Variants in ZFAND3 observed in about 807,000 individuals in gnomAD.
ZFAND3 encodes the protein zinc finger AN1-type containing 3, also known as AN1-type zinc finger protein 3.
A neutral mutation model predicts 29.6 loss-of-function variants in ZFAND3; 10 were observed. The observed-to-expected ratio is 0.34, with a 90% CI of 0.21 to 0.57. ZFAND3 has a LOEUF of 0.57. Among genes scored for constraint, ZFAND3 ranks in the 20% least tolerant of loss-of-function variants. ZFAND3 has a pLI of 0.86. For missense variants in ZFAND3, 230 were observed against 304.5 expected, an observed-to-expected ratio of 0.76 and a Z score of 1.82; for synonymous variants, 128 against 112.6, an observed-to-expected ratio of 1.14 and a Z score of -0.87.
intron 1 of ZFAND3, among the ~76,000 whole-genome samples, chr6:37,887,372 T>A (rs1325035459): frequency 6.6e-6 from 1 of 152,220 alleles, no homozygotes; most frequent in African/African-American, 2.4e-5. Context: ...AAATCATGAG[T>A]ACTTTGTACC....
intron 2 of ZFAND3, among the ~76,000 whole-genome samples, chr6:37,993,816 G>C (rs1762802543): frequency 6.6e-6 from 1 of 151,810 alleles, no homozygotes; most frequent in Admixed American, 6.6e-5. Context: ...ACGTGATAAT[G>C]ATTGGCTTAA....
intron 1 of ZFAND3, among the ~76,000 whole-genome samples, chr6:37,855,076 C>A (rs1764356098): frequency 7.3e-6 from 1 of 137,678 alleles, no homozygotes; most frequent in South Asian, 2.4e-4. Context: ...CCTCTGATAT[C>A]AACAAATCTT....
At chr6:37,910,321 C>T (rs1188580541) in intron 1 of ZFAND3, among the ~76,000 whole-genome samples, 1 of 151,284 alleles carries the variant, frequency 6.6e-6, no homozygotes, top group Non-Finnish European at 1.5e-5. Flanking sequence ...CTCATTTAAT[C>T]CTGTTGGTAA....
intron 5 of ZFAND3, among the ~76,000 whole-genome samples, chr6:38,141,431 T>G (rs1765951975): frequency 6.6e-6 from 1 of 152,242 alleles, no homozygotes; most frequent in African/African-American, 2.4e-5. Context: ...CTCTCTGATG[T>G]CCTTGGAAAG....
chr6:38,131,623 C>A (rs1182330500), intron 5 of ZFAND3, among the ~76,000 whole-genome samples: 1 of 152,100 alleles, frequency 6.6e-6, no homozygotes, highest in East Asian at 1.9e-4. Context: ...AGATTTATAC[C>A]TTTTGGGTGT....
chr6:37,930,331 A>G (rs970712327), intron 2 of ZFAND3, among the ~76,000 whole-genome samples: 4 of 152,184 alleles, frequency 2.6e-5, no homozygotes, highest in African/African-American at 9.7e-5. Context: ...TTGCTCTATC[A>G]ATGAGAATGT....
At chr6:37,921,490 A>C (rs1030229267) in intron 1 of ZFAND3, among the ~76,000 whole-genome samples, 1 of 151,464 alleles carries the variant, frequency 6.6e-6, no homozygotes, top group Admixed American at 6.6e-5. Flanking sequence ...TTTTATTTCC[A>C]TATTTATATT....
intron 2 of ZFAND3, among the ~76,000 whole-genome samples, chr6:38,030,657 T>A (rs1220707888): frequency 1.3e-5 from 2 of 151,888 alleles, no homozygotes; most frequent in Admixed American, 6.6e-5. Flanking sequence ...AAAACAATTG[T>A]CAAGTTATAA....
At chr6:38,002,897 T>C (rs746766969) in intron 2 of ZFAND3, 1 of 152,178 alleles carries the variant, frequency 6.6e-6, no homozygotes, top group Non-Finnish European at 1.5e-5. Flanking sequence ...AGTTCAATTA[T>C]TGATATTTTC....
rs7768565 is a variant in ZFAND3, at chr6:37,998,039, T to G, written c.113-63554T>G. Among the ~76,000 whole-genome samples, 1,427 of 152,268 alleles carry G rather than the reference T, an allele frequency of 9.4e-3. 26 individuals carry two copies. Among genetic ancestry groups the G allele is most frequent in the African/African-American group, 0.032 (1,336 of 41,538 alleles). ...ATGAATGTTTATCATGGCAGCTATA[T>G]TATGATCTCCAGAAAATGGAAGTAA... is the stretch of plus-strand genomic sequence containing the variant. On this transcript the variant is annotated intron_variant, in intron 2 of 5. Transcript: ENST00000287218.
chr6:37,870,418 G>C (rs1374585148), intron 1 of ZFAND3, among the ~76,000 whole-genome samples: 1 of 150,562 alleles, frequency 6.6e-6, no homozygotes, highest in Non-Finnish European at 1.5e-5. Flanking sequence ...CCTGGCCAAC[G>C]TGGTGAAACC....
intron 2 of ZFAND3, among the ~76,000 whole-genome samples, chr6:38,038,299 A>T (rs574333254): frequency 6.6e-6 from 1 of 152,294 alleles, no homozygotes; most frequent in South Asian, 2.1e-4. Flanking sequence ...AAAGGCAGAG[A>T]TGATGGATGC....
At chr6:37,932,992 AAAG>A (rs1433330542) in intron 2 of ZFAND3, among the ~76,000 whole-genome samples, 1 of 152,266 alleles carries the variant, frequency 6.6e-6, no homozygotes, top group Non-Finnish European at 1.5e-5. Flanking sequence ...ATTCAAAAGA[AAAG>A]AGATCATTGA....
At chr6:37,839,923 C>T (rs1458399112) in intron 1 of ZFAND3, among the ~76,000 whole-genome samples, 2 of 152,012 alleles carry the variant, frequency 1.3e-5, no homozygotes, top group Non-Finnish European at 2.9e-5. Context: ...GGGGATGTGT[C>T]CTTTAGAGCA....
chr6:37,886,280 A>AAAAAAAAAAAAAAAAAAAAC lies in ZFAND3; in HGVS notation c.72-43678_72-43677insAAAAAAAAAAAAAAAAAACA, dbSNP rs1561922411. Among the ~76,000 whole-genome samples, 9 of 128,862 alleles carry AAAAAAAAAAAAAAAAAAAAC rather than the reference A, an allele frequency of 7.0e-5. 1 individual carries two copies. Among genetic ancestry groups the AAAAAAAAAAAAAAAAAAAAC allele is most frequent in the African/African-American group, 2.7e-4 (9 of 32,952 alleles). 84.5% of individuals were successfully genotyped at this position (128,862 alleles called of 152,430 possible). A position where few individuals can be genotyped will look rare whatever the true frequency, so the allele number is the denominator to read the frequency against. On this transcript the variant is annotated intron_variant, in intron 1 of 5. Coordinates refer to ENST00000287218, the MANE Select transcript of ZFAND3 (RefSeq NM_021943.3). The stretch of plus-strand genomic sequence containing the variant: ...AAAAAAAAAAAAAAAAAAAAAAAAA[A>AAAAAAAAAAAAAAAAAAAAC]AGTTCAAAGAATATGCTGTTACTCA...
At chr6:37,966,330 C>G (rs761159597) in intron 2 of ZFAND3, among the ~76,000 whole-genome samples, 1 of 152,076 alleles carries the variant, frequency 6.6e-6, no homozygotes, top group African/African-American at 2.4e-5. Context: ...CATTACAGTA[C>G]CAGATTTTAT....
intron 1 of ZFAND3, among the ~76,000 whole-genome samples, chr6:37,844,095 T>C (rs942360281): frequency 6.6e-6 from 1 of 152,032 alleles, no homozygotes; most frequent in Admixed American, 6.6e-5. Flanking sequence ...TTTTTTTCTT[T>C]TCTTTTTTTT....
chr6:38,082,118 G>T (rs909562552), intron 3 of ZFAND3, among the ~76,000 whole-genome samples: 1 of 149,840 alleles, frequency 6.7e-6, no homozygotes, highest in Non-Finnish European at 1.5e-5. Context: ...TCTTTAACTT[G>T]TTAACATTAT....
intron 1 of ZFAND3, among the ~76,000 whole-genome samples, chr6:37,870,223 T>C (rs1433882121): frequency 6.8e-6 from 1 of 147,714 alleles, no homozygotes; most frequent in Non-Finnish European, 1.5e-5. Flanking sequence ...GTGGGAGGAT[T>C]GCTTGAGCCT....
Sources: gnomAD v4.1 joint callset for allele counts (sites outside exome capture counted in the v4.1 genomes callset) on GRCh38, gnomAD v4.1.1 for gene constraint, MANE v1.5 for transcripts, NCBI Gene and HGNC (gene_info 2026-07-23, HGNC 2026-07-21) for gene names.